Variants in LRRC7 observed in about 807,000 individuals in gnomAD.
LRRC7 encodes leucine rich repeat containing 7, also known as leucine-rich repeat-containing protein 7.
A neutral mutation model predicts 175.7 loss-of-function variants in LRRC7; 23 were observed. The ratio of observed to expected loss-of-function variants is 0.13; its 90% CI spans 0.09 to 0.19. The LOEUF (loss-of-function observed/expected upper bound fraction) is 0.19, where lower values mean the gene tolerates loss of function less well. Among genes scored for constraint, LRRC7 ranks in the 10% least tolerant of loss-of-function variants. The pLI is 1.00. For missense variants in LRRC7, 1,354 were observed against 1,904.7 expected, an observed-to-expected ratio of 0.71 and a Z score of 5.38; for synonymous variants, 685 against 680.9, an observed-to-expected ratio of 1.01 and a Z score of -0.09.
chr1:70,121,671 A>T (rs1023646898), intron 26 of LRRC7, 109 bp from the exon 27 acceptor site: 18 of 687,718 alleles, frequency 2.6e-5, no homozygotes, highest in South Asian at 1.1e-4. Flanking sequence ...GAATTATAAA[A>T]ACTGACAACT....
intron 4 of LRRC7, among the ~76,000 whole-genome samples, chr1:69,797,225 C>T (rs748488363): frequency 3.3e-5 from 5 of 152,024 alleles, no homozygotes; most frequent in Non-Finnish European, 5.9e-5. Flanking sequence ...AATGACACTC[C>T]GATAAGTAAT....
chr1:70,108,959 GT>G (rs1255211919), intron 26 of LRRC7, among the ~76,000 whole-genome samples: 3 of 151,950 alleles, frequency 2.0e-5, no homozygotes, highest in African/African-American at 7.3e-5. Flanking sequence ...ATGTTTTTTG[GT>G]TTTTTTGTTG....
At chr1:69,715,633 G>T (rs532856800) in intron 2 of LRRC7, among the ~76,000 whole-genome samples, 8 of 151,944 alleles carry the variant, frequency 5.3e-5, no homozygotes, top group African/African-American at 1.9e-4. Context: ...ATTTAGTTTT[G>T]TTTTAATGAT....
chr1:70,055,542 T>A (rs1243973323), intron 23 of LRRC7, among the ~76,000 whole-genome samples: 1 of 152,132 alleles, frequency 6.6e-6, no homozygotes, highest in East Asian at 1.9e-4. Flanking sequence ...CTGGGTAATT[T>A]ATAGAGAAAA....
intron 2 of LRRC7, among the ~76,000 whole-genome samples, chr1:69,718,712 C>T (rs1295635371): frequency 1.3e-5 from 2 of 151,712 alleles, no homozygotes; most frequent in African/African-American, 4.8e-5. Context: ...AGGAATTAGC[C>T]ACAGAAACTG....
intron 2 of LRRC7, among the ~76,000 whole-genome samples, chr1:69,757,956 A>G (rs754201758): frequency 2.6e-5 from 4 of 151,744 alleles, no homozygotes; most frequent in Non-Finnish European, 5.9e-5. Context: ...TCTATCATCA[A>G]ATTTTAGATT....
chr1:69,572,426 CA>C (rs1447888960), intron 1 of LRRC7, among the ~76,000 whole-genome samples: 1 of 152,042 alleles, frequency 6.6e-6, no homozygotes, highest in Non-Finnish European at 1.5e-5. Flanking sequence ...ACAGGCTTCA[CA>C]TATGTTTTAA....
chr1:69,585,099 T>G (rs1296575394), intron 1 of LRRC7, among the ~76,000 whole-genome samples: 1 of 152,204 alleles, frequency 6.6e-6, no homozygotes, highest in African/African-American at 2.4e-5. Context: ...CCTGATATTT[T>G]GAAATGCTTT....
intron 2 of LRRC7, among the ~76,000 whole-genome samples, chr1:69,687,764 C>T (rs1213799771): frequency 2.6e-5 from 4 of 151,970 alleles, no homozygotes; most frequent in Admixed American, 1.3e-4. Context: ...AGAGATAACA[C>T]TTAAAATTAT....
At chr1:70,018,840 C>A (rs1036449800) in intron 15 of LRRC7, 22 bp downstream of exon 15, 2 of 1,545,046 alleles carry the variant, frequency 1.3e-6, no homozygotes, top group South Asian at 1.1e-5. Context: ...GTAGAAATTT[C>A]TTCTCTACTT....
chr1:69,933,842 A>G (rs1489132646), intron 8 of LRRC7, among the ~76,000 whole-genome samples: 1 of 152,210 alleles, frequency 6.6e-6, no homozygotes, highest in Non-Finnish European at 1.5e-5. Context: ...GATTTATGGT[A>G]TCTAAGAAAT....
chr1:69,689,799 G>T (rs1019366574), intron 2 of LRRC7, among the ~76,000 whole-genome samples: 1 of 151,990 alleles, frequency 6.6e-6, no homozygotes, highest in Non-Finnish European at 1.5e-5. Context: ...TAATACCTCG[G>T]GTTCCAGTTA....
intron 4 of LRRC7, 91 bp downstream of exon 4, chr1:69,792,251 T>G: frequency 1.3e-6 from 1 of 768,468 alleles, no homozygotes; most frequent in Non-Finnish European, 2.2e-6. Flanking sequence ...CTAAAATAAC[T>G]TTTTCTTTGA....
Position 69,901,242 on chromosome 1 carries a change from G to A in LRRC7, c.648-30265G>A, listed in dbSNP as rs1300021938. ...GGGCAAAACTAAAACAGTGGCAGAG[G>A]GGATGAAAAGAGAGTACACATTCAA... is the stretch of plus-strand genomic sequence containing the variant. On this transcript the variant is annotated intron_variant, in intron 7 of 26. Transcript: ENST00000651989. Among the ~76,000 whole-genome samples the A allele has an allele frequency of 5.9e-5, 9 of 152,040 alleles. No individual in the cohort carries two copies. In the East Asian group the frequency reaches 1.7e-3, roughly 29 times the overall value.
At chr1:69,989,482 A>G (rs1021729209) in intron 10 of LRRC7, among the ~76,000 whole-genome samples, 3 of 152,146 alleles carry the variant, frequency 2.0e-5, no homozygotes, top group Non-Finnish European at 4.4e-5. Context: ...TACAACAGCT[A>G]TAATGAAGAA....
At chr1:69,888,121 C>G (rs1442767038) in intron 7 of LRRC7, among the ~76,000 whole-genome samples, 1 of 139,646 alleles carries the variant, frequency 7.2e-6, no homozygotes, top group East Asian at 2.2e-4. Context: ...GCAGGCAGGC[C>G]TCCTTGAGCT....
At chr1:69,897,835 A>T (rs891045266) in intron 7 of LRRC7, among the ~76,000 whole-genome samples, 1 of 152,226 alleles carries the variant, frequency 6.6e-6, no homozygotes, top group Non-Finnish European at 1.5e-5. Flanking sequence ...GTCTTTGAAG[A>T]TACAGTGTCA....
chr1:70,089,789 A>G lies in LRRC7; in HGVS notation c.4515A>G (p.Gly1505=), dbSNP rs1663884809. The change falls in exon 25 of 27, where the codon GGA becomes GGG. Residue 1505 remains glycine (G), a synonymous_variant. Transcript: ENST00000651989. Reference sequence around the variant, plus strand: ...TTAGTATCAGTGGTGGAATTAGTGGACAAGGAAATCCATTCAAACCTTCTG... The same window carrying G: ...TTAGTATCAGTGGTGGAATTAGTGGGCAAGGAAATCCATTCAAACCTTCTG... ...LGFSISGGIS[G]QGNPFKPSDK... 1 of 1,609,854 alleles carries G rather than the reference A, an allele frequency of 6.2e-7. No individual in the cohort carries two copies. Among genetic ancestry groups the G allele is most frequent in the South Asian group, 1.1e-5 (1 of 90,710 alleles).
intron 23 of LRRC7, among the ~76,000 whole-genome samples, chr1:70,060,966 C>T (rs777264013): frequency 6.6e-6 from 1 of 152,174 alleles, no homozygotes; most frequent in African/African-American, 2.4e-5. Flanking sequence ...GTCTTTACTT[C>T]ATTGGTCCAT....
Sources: gnomAD v4.1 joint callset for allele counts (sites outside exome capture counted in the v4.1 genomes callset) on GRCh38, gnomAD v4.1.1 for gene constraint, MANE v1.5 for transcripts, NCBI Gene and HGNC (gene_info 2026-07-23, HGNC 2026-07-21) for gene names.